MAP3K20: variants seen among roughly 807,000 people sequenced by gnomAD.
The protein encoded by MAP3K20 is mitogen-activated protein kinase kinase kinase 20, also known as HCCS-4.
Under a neutral mutation model 85.7 loss-of-function variants are expected in MAP3K20, and 40 were observed. The ratio of observed to expected loss-of-function variants is 0.47; its 90% confidence interval spans 0.36 to 0.61. The LOEUF (loss-of-function observed/expected upper bound fraction) is 0.61, where lower values mean the gene tolerates loss of function less well. MAP3K20 is among the 20% of genes least tolerant of loss of function. MAP3K20 has a pLI of 0.00. For missense variants in MAP3K20, 817 were observed against 961.7 expected (o/e 0.85, Z 1.99); for synonymous variants, 325 against 327.7 (o/e 0.99, Z 0.09).
intron 10 of MAP3K20, 62 bp from the exon 11 acceptor site, chr2:173,217,052 AC>A: frequency 7.5e-7 from 1 of 1,341,332 alleles, no homozygotes; most frequent in Non-Finnish European, 9.7e-7. Flanking sequence ...ATTCTGATGG[AC>A]CCACTAAGCG....
chr2:173,134,348 C>A (rs1688711752), intron 2 of MAP3K20, among the ~76,000 whole-genome samples: 1 of 128,988 alleles, frequency 7.8e-6, no homozygotes, highest in Non-Finnish European at 1.6e-5. Context: ...CAGGCGCATG[C>A]CACCACTCCT....
rs377386728 is a variant in MAP3K20 at position 173,132,782 on chromosome 2, AC to A, written c.160-37021del. The stretch of plus-strand genomic sequence containing the variant: ...TTTGTGACCCAGGGCCCATTACACA[AC>A]CACTAAATCTCTTTCTTCATCTGCA... On this transcript the variant is annotated intron_variant, in intron 2 of 19. Transcript: ENST00000375213. 4.9e-3 allele frequency among the ~76,000 whole-genome samples: 750 copies of A among 152,308 alleles called. 7 individuals are homozygous for A. Among genetic ancestry groups the A allele is most frequent in the Non-Finnish European group, 6.8e-3 (462 of 68,014 alleles).
intron 2 of MAP3K20, among the ~76,000 whole-genome samples, chr2:173,165,422 G>GTA (rs1242919338): frequency 6.6e-6 from 1 of 151,640 alleles, no homozygotes; most frequent in Non-Finnish European, 1.5e-5. Flanking sequence ...GTCTAAAAAT[G>GTA]TATATATATT....
chr2:173,235,766 C>A (rs1669350191), intron 14 of MAP3K20, among the ~76,000 whole-genome samples: 2 of 152,064 alleles, frequency 1.3e-5, no homozygotes. Flanking sequence ...AATAATAAAG[C>A]AAAGGAAAGC....
chr2:173,246,677 T>C (rs1684921786), intron 16 of MAP3K20, among the ~76,000 whole-genome samples: 1 of 152,146 alleles, frequency 6.6e-6, no homozygotes, highest in South Asian at 2.1e-4. Flanking sequence ...TTACAAATGC[T>C]CAACCGCCAC....
chr2:173,082,512 A>G (rs1245185648), intron 1 of MAP3K20, among the ~76,000 whole-genome samples: 2 of 152,178 alleles, frequency 1.3e-5, no homozygotes, highest in African/African-American at 4.8e-5. Flanking sequence ...GATACTTTCT[A>G]TTTGACAGAA....
At chr2:173,116,263 C>A (rs547357143) in intron 2 of MAP3K20, among the ~76,000 whole-genome samples, 2 of 152,134 alleles carry the variant, frequency 1.3e-5, no homozygotes, top group African/African-American at 4.8e-5. Context: ...CACATACTTA[C>A]GATAGATCTG....
At chr2:173,245,852 A>C (rs1684900333) in intron 16 of MAP3K20, among the ~76,000 whole-genome samples, 2 of 152,178 alleles carry the variant, frequency 1.3e-5, no homozygotes, top group Admixed American at 1.3e-4. Flanking sequence ...GAATCGCTTA[A>C]ACCCAGGAGG....
intron 2 of MAP3K20, among the ~76,000 whole-genome samples, chr2:173,152,466 A>G (rs1309905744): frequency 6.6e-6 from 1 of 152,188 alleles, no homozygotes; most frequent in African/African-American, 2.4e-5. Flanking sequence ...GTTGCATGAA[A>G]TGTATTTGTT....
intron 11 of MAP3K20, 140 bp from the exon 12 acceptor site, chr2:173,229,549 G>A: frequency 9.9e-7 from 1 of 1,005,894 alleles, no homozygotes; most frequent in Non-Finnish European, 1.5e-6. Flanking sequence ...CAGGAAAACT[G>A]TTTTCCATTC....
intron 2 of MAP3K20, among the ~76,000 whole-genome samples, chr2:173,126,241 AT>A (rs1360026487): frequency 6.6e-6 from 1 of 152,210 alleles, no homozygotes; most frequent in African/African-American, 2.4e-5. Flanking sequence ...GTTTCATATT[AT>A]ATAGTTGCGG....
chr2:173,245,404 C>T (rs1355793822), intron 16 of MAP3K20, among the ~76,000 whole-genome samples: 8 of 152,120 alleles, frequency 5.3e-5, no homozygotes, highest in Middle Eastern at 3.2e-3. Context: ...CTTGCCCATG[C>T]GCTTAGTCTT....
At chr2:173,133,702 C>T (rs758221059) in intron 2 of MAP3K20, among the ~76,000 whole-genome samples, 2 of 151,916 alleles carry the variant, frequency 1.3e-5, no homozygotes, top group Non-Finnish European at 2.9e-5. Flanking sequence ...AGGGTAGATC[C>T]GAGGCTCCTG....
chr2:173,220,013 A>G (rs1684192122), intron 11 of MAP3K20, among the ~76,000 whole-genome samples: 1 of 141,492 alleles, frequency 7.1e-6, no homozygotes, highest in South Asian at 2.3e-4. Flanking sequence ...GGTTGCAGTG[A>G]GCTGAGATAG....
intron 8 of MAP3K20, among the ~76,000 whole-genome samples, chr2:173,199,945 CT>C (rs1260638137): frequency 1.3e-5 from 2 of 152,184 alleles, no homozygotes; most frequent in South Asian, 2.1e-4. Flanking sequence ...CAGAAGCAGT[CT>C]TTTTTCTCCC....
rs79252395 is a variant in MAP3K20 at position 173,238,911 on chromosome 2, A to G, written c.1266+476A>G. Among the ~76,000 whole-genome samples the G allele has an allele frequency of 2.4e-3, 366 of 152,344 alleles. 1 individual carries two copies. Among genetic ancestry groups the G allele is most frequent in the African/African-American group, 8.2e-3 (343 of 41,582 alleles). On this transcript the variant is annotated intron_variant, in intron 15 of 19. Coordinates refer to ENST00000375213, the MANE Select transcript of MAP3K20 (RefSeq NM_016653.3). ...TAAAATCAGCAAATACTTGCAATTCATACACAGAACTTTACTTATTCACTA... is the reference window on the plus strand; with the variant it reads ...TAAAATCAGCAAATACTTGCAATTCGTACACAGAACTTTACTTATTCACTA...
chr2:173,237,345 TTG>T (rs1684678366), intron 14 of MAP3K20, among the ~76,000 whole-genome samples: 1 of 151,990 alleles, frequency 6.6e-6, no homozygotes, highest in Non-Finnish European at 1.5e-5. Context: ...TTCTTTTCCT[TTG>T]TGTTTGTCCC....
intron 2 of MAP3K20, among the ~76,000 whole-genome samples, chr2:173,111,383 C>T (rs1687970328): frequency 1.3e-5 from 2 of 152,156 alleles, no homozygotes; most frequent in South Asian, 2.1e-4. Context: ...TGTCTGTTTA[C>T]TCTGCTGACT....
chr2:173,081,948 C>T (rs1182197594), intron 1 of MAP3K20, among the ~76,000 whole-genome samples: 1 of 152,112 alleles, frequency 6.6e-6, no homozygotes, highest in Non-Finnish European at 1.5e-5. Context: ...ATTGAACGCT[C>T]TTGGTGATGG....
Sources: gnomAD v4.1 joint callset for allele counts (sites outside exome capture counted in the v4.1 genomes callset) on GRCh38, gnomAD v4.1.1 for gene constraint, MANE v1.5 for transcripts, NCBI Gene and HGNC (gene_info 2026-07-23, HGNC 2026-07-21) for gene names.